Variants in L3MBTL1 observed in about 807,000 individuals in gnomAD.
The protein encoded by L3MBTL1 is L3MBTL histone methyl-lysine binding protein 1, also known as lethal(3)malignant brain tumor-like protein 1.
L3MBTL1 carries 75 observed loss-of-function variants against 105.3 expected under a neutral mutation model. The ratio of observed to expected loss-of-function variants is 0.71; its 90% CI spans 0.59 to 0.86. L3MBTL1 has a LOEUF of 0.86. Ranked by LOEUF, L3MBTL1 falls within the 40% of genes least tolerant of loss-of-function variation. L3MBTL1 has a pLI of 0.00. For missense variants in L3MBTL1, 1,069 were observed against 1,126.4 expected, an observed-to-expected ratio of 0.95 and a Z score of 0.73; for synonymous variants, 452 against 436.2, an observed-to-expected ratio of 1.04 and a Z score of -0.45.
intron 7 of L3MBTL1, among the ~76,000 whole-genome samples, chr20:43,525,968 T>G (rs979773696): frequency 1.3e-5 from 2 of 152,202 alleles, no homozygotes; most frequent in African/African-American, 4.8e-5. Context: ...TGGTAAGTGT[T>G]GTGACTAGTG....
chr20:43,540,385 G>A (rs2019855597), intron 20 of L3MBTL1, 77 bp downstream of exon 20: 1 of 1,543,114 alleles, frequency 6.5e-7, no homozygotes, highest in Non-Finnish European at 8.8e-7. Context: ...GAAAGGCCCA[G>A]GTCAGGTAGA....
At chr20:43,542,813 C>T (rs2019966188), downstream of L3MBTL1, among the ~76,000 whole-genome samples, 1 of 152,156 alleles carries the variant, frequency 6.6e-6, no homozygotes, top group African/African-American at 2.4e-5. Flanking sequence ...TCTGTCTCTG[C>T]ACAGTGTCAT....
chr20:43,514,399 T>TG, intron 3 of L3MBTL1: 1 of 1,434,716 alleles, frequency 7.0e-7, no homozygotes, highest in Non-Finnish European at 9.1e-7. Flanking sequence ...TGTGGGAGCC[T>TG]GGGGGCGTGG....
At chr20:43,537,752 T>C (rs1472542710) in intron 19 of L3MBTL1, among the ~76,000 whole-genome samples, 1 of 152,164 alleles carries the variant, frequency 6.6e-6, no homozygotes, top group Non-Finnish European at 1.5e-5. Flanking sequence ...AAAGAGACCT[T>C]GAGAAATCAC....
intron 19 of L3MBTL1, chr20:43,539,831 T>C (rs2019816212): frequency 2.3e-6 from 1 of 429,892 alleles, no homozygotes; most frequent in East Asian, 4.7e-5. Context: ...TAGAAAATTA[T>C]GTCTTTAGAG....
At chr20:43,538,220 CTG>C (rs1397873606) in intron 19 of L3MBTL1, among the ~76,000 whole-genome samples, 1 of 152,200 alleles carries the variant, frequency 6.6e-6, no homozygotes, top group Non-Finnish European at 1.5e-5. Flanking sequence ...TTGTACCCAT[CTG>C]TGGTACCCAT....
chr20:43,531,362 T>TA (rs1024046463), intron 11 of L3MBTL1: 7 of 156,324 alleles, frequency 4.5e-5, no homozygotes, highest in African/African-American at 1.2e-4. Context: ...ATCCAGCAGT[T>TA]AAAGTATCTC....
In L3MBTL1 at chr20:43,534,061, G is replaced by A; in HGVS notation, c.1567G>A (p.Ala523Thr). 1 of 1,614,100 alleles carries A rather than the reference G, an allele frequency of 6.2e-7. No individual in the cohort carries two copies. Among genetic ancestry groups the A allele is most frequent in the Non-Finnish European group, 8.5e-7 (1 of 1,179,984 alleles). ...CWEKYLEETG[A>T]SAVPTWAFKV... Reference sequence around the variant, plus strand: ...GGAGAAATATCTGGAAGAAACTGGGGCCTCTGCTGTCCCCACCTGGGCCTT... The same window carrying A: ...GGAGAAATATCTGGAAGAAACTGGGACCTCTGCTGTCCCCACCTGGGCCTT... The change falls in exon 14 of 22, where the codon GCC (alanine) becomes ACC (threonine). Residue 523 changes from alanine to threonine, a missense_variant. Transcript: ENST00000418998.
intron 18 of L3MBTL1, among the ~76,000 whole-genome samples, chr20:43,547,063 A>G (rs1276322129): frequency 6.7e-6 from 1 of 150,200 alleles, no homozygotes; most frequent in East Asian, 1.9e-4. Context: ...CTTCTATTCT[A>G]GAAGAGCCCC....
At position 43,522,456 on chromosome 20, in the gene L3MBTL1, AGTTTT is replaced by A. The variant is rs1568921166; in HGVS notation, c.863-6200_863-6196del. On this transcript the variant is annotated intron_variant, in intron 7 of 21. Transcript: ENST00000418998. ...ATGGTAACTGAATTTTTCCCTGCTAAGTTTTTTTTTTTTTTTTTTTTTTTTTTTTT... is the reference window on the plus strand; with the variant it reads ...ATGGTAACTGAATTTTTCCCTGCTAATTTTTTTTTTTTTTTTTTTTTTTTT... Among the ~76,000 whole-genome samples the A allele has an allele frequency of 1.6e-4, 14 of 89,928 alleles. No individual in the cohort carries two copies. The South Asian group carries it at 2.1e-3, about 14-fold the overall frequency. 59.0% of individuals were successfully genotyped at this position (89,928 alleles called of 152,430 possible).
downstream of L3MBTL1, among the ~76,000 whole-genome samples, chr20:43,544,733 G>C (rs771527607): frequency 6.6e-6 from 1 of 152,340 alleles, no homozygotes; most frequent in East Asian, 1.9e-4. Context: ...GGGAGGCCAA[G>C]GCGGGCGGAT....
Position 43,529,368 on chromosome 20 carries a change from G to C in L3MBTL1, c.1056G>C (p.Glu352Asp). 6.2e-7 allele frequency: 1 copy of C among 1,602,852 alleles called. No individual in the cohort carries two copies. Among genetic ancestry groups the C allele is most frequent in the South Asian group, 1.1e-5 (1 of 89,510 alleles). The part of the protein sequence containing the change: ...PSMYFILTVA[E>D]VCGYRLRLHF... The stretch of plus-strand genomic sequence containing the variant: ...TGTACTTCATCCTCACCGTGGCTGA[G>C]GTGAGCTGGGGCTTGGTACCACCTT... The change falls in exon 9 of 22, where the codon GAG becomes GAC. Residue 352 changes from glutamate to aspartate, a missense_variant and splice_region_variant. Transcript: ENST00000418998.
chr20:43,548,693 AC>A lies in L3MBTL1; in HGVS notation c.*449del, dbSNP rs562855129. ...CCTCCTGCCAAGAAGTGACCCCACC[AC>A]AAATGTATTTACTCCTGGAGGTACC... On this transcript the variant is annotated 3_prime_UTR_variant, in exon 19 of 19. Transcript: ENST00000422861. The A allele has an allele frequency of 4.3e-4, 65 of 152,520 alleles. No individual in the cohort carries two copies. The South Asian group carries it at 0.013, about 31-fold the overall frequency. The allele number at this position is 152,520 out of a possible 1,614,324, so 9.4% of individuals were successfully genotyped here.
intron 1 of L3MBTL1, among the ~76,000 whole-genome samples, chr20:43,511,501 GC>G (rs907945206): frequency 1.3e-5 from 2 of 152,182 alleles, no homozygotes; most frequent in African/African-American, 4.8e-5. Context: ...CCTTGGTCAG[GC>G]CGGACTCGAT....
chr20:43,526,840 C>T (rs949048109), intron 7 of L3MBTL1, among the ~76,000 whole-genome samples: 11 of 152,064 alleles, frequency 7.2e-5, no homozygotes, highest in African/African-American at 1.7e-4. Flanking sequence ...AATCTCTACT[C>T]GGAGGCTGAG....
chr20:43,541,884 T>C lies in L3MBTL1; in HGVS notation c.*756T>C. On this transcript the variant is annotated 3_prime_UTR_variant, in exon 22 of 22. Coordinates refer to ENST00000418998, the MANE Select transcript of L3MBTL1 (RefSeq NM_001377303.1). ...ATGGTGGGAACACAATAAACACCAG[T>C]TTTGACTTTTAGTGCATAGTTGTCC... 7 of 985,396 alleles carry C rather than the reference T, an allele frequency of 7.1e-6. No homozygotes were observed. The highest frequency in any genetic ancestry group is 8.4e-6 in the Non-Finnish European group (7 of 829,908). The allele number at this position is 985,396 out of a possible 1,614,324, so 61.0% of individuals were successfully genotyped here.
At position 43,515,166 on chromosome 20, in the gene L3MBTL1, G is replaced by A. The variant is rs775366251; in HGVS notation, c.653+7G>A. On this transcript the variant is annotated splice_region_variant and intron_variant, in intron 5 of 21. Coordinates refer to ENST00000418998, the MANE Select transcript of L3MBTL1 (RefSeq NM_001377303.1). ...CTCAGCTGTTCCAGGAGCGGTAAGG[G>A]GAGGAGGTCGCAGCCCTACTTGCTC... The A allele has an allele frequency of 3.1e-6, 5 of 1,614,030 alleles. No individual in the cohort carries two copies. Among genetic ancestry groups the A allele is most frequent in the Non-Finnish European group, 4.2e-6 (5 of 1,180,014 alleles).
At chr20:43,517,248 G>C (rs564501723) in intron 7 of L3MBTL1, among the ~76,000 whole-genome samples, 1 of 151,862 alleles carries the variant, frequency 6.6e-6, no homozygotes, top group African/African-American at 2.4e-5. Flanking sequence ...ACAGGCACAT[G>C]CCACCACATG....
chr20:43,522,113 T>C (rs1946248480), intron 7 of L3MBTL1, among the ~76,000 whole-genome samples: 1 of 152,144 alleles, frequency 6.6e-6, no homozygotes, highest in African/African-American at 2.4e-5. Context: ...TCCCTGCACT[T>C]TGGGAGGCCG....
Sources: allele counts gnomAD v4.1 joint callset (sites outside exome capture counted in the v4.1 genomes callset), GRCh38; gene constraint gnomAD v4.1.1; transcripts MANE v1.5; gene names NCBI Gene and HGNC (gene_info 2026-07-23, HGNC 2026-07-21).